Variants in GAS6 observed in about 807,000 individuals in gnomAD.
GAS6 encodes the protein growth arrest specific 6.
A neutral mutation model predicts 75.8 loss-of-function variants in GAS6; 41 were observed. The ratio of observed to expected loss-of-function variants is 0.54; its 90% CI spans 0.42 to 0.70. GAS6 has a LOEUF of 0.70. Ranked by LOEUF, GAS6 falls within the 30% of genes least tolerant of loss-of-function variation. The pLI is 0.00. For synonymous variants in GAS6, 432 were observed against 412.6 expected, an observed-to-expected ratio of 1.05 and a Z score of -0.57; for missense variants, 854 against 940.2, an observed-to-expected ratio of 0.91 and a Z score of 1.20.
Position 113,863,471 on chromosome 13 carries a change from T to C in GAS6, c.255+104A>G. On this transcript the variant is annotated intron_variant, in intron 2 of 14. Transcript: ENST00000327773. This position sits in a 1 kb window ranked among gnomAD's most constrained non-coding sequence, Gnocchi z 9.4. Reference sequence around the variant, plus strand: ...GCTCCTGGGACCCTGAGGCCAGGCCTCGCCGCGCGGAGCTGGGGGGCGGCA... The same window carrying C: ...GCTCCTGGGACCCTGAGGCCAGGCCCCGCCGCGCGGAGCTGGGGGGCGGCA... 2.5e-6 allele frequency: 3 copies of C among 1,200,984 alleles called. No individual in the cohort carries two copies. The highest frequency in any genetic ancestry group is 3.2e-6 in the Non-Finnish European group (3 of 926,084). The allele number at this position is 1,200,984 out of a possible 1,614,324, so 74.4% of individuals were successfully genotyped here.
At chr13:113,821,898 G>C (rs2051463940) in intron 14 of GAS6, 60 bp downstream of exon 14, 1 of 1,364,448 alleles carries the variant, frequency 7.3e-7, no homozygotes, top group African/African-American at 1.4e-5. Context: ...GATCTGGGGT[G>C]ACCAAGCTGG....
Position 113,820,893 on chromosome 13 carries a change from AG to A in GAS6, c.2007del (p.Cys670AlafsTer88). On this transcript the variant is annotated frameshift_variant, in exon 15 of 15. Transcript: ENST00000327773. LOFTEE classifies it low-confidence loss of function (END_TRUNC). ...AYKHSDITAHSCPPVEPAAA is the reference protein window; with the variant it reads ...AYKHSDITAHXCPPVEPAAA ...GCTGCGGCGGGCTCCACGGGGGGGC[AG>A]GAGTGGGCCGTGATGTCGCTGTGCT... 6.2e-7 allele frequency: 1 copy of A among 1,611,342 alleles called. No homozygotes were observed. The highest frequency in any genetic ancestry group is 8.5e-7 in the Non-Finnish European group (1 of 1,179,758).
chr13:113,834,609 G>GTGTAGCTC lies in GAS6; in HGVS notation c.768_775dup (p.Thr259ArgfsTer37). On this transcript the variant is annotated frameshift_variant, in exon 8 of 15. Coordinates refer to ENST00000327773, the MANE Select transcript of GAS6 (RefSeq NM_000820.4). ...GCCCCCACGCCCGTCACAGTGGCAG[G>GTGTAGCTC]TGTAGCTCCCTGGGGAGTTCACGCA... The GTGTAGCTC allele has an allele frequency of 6.2e-7, 1 of 1,604,316 alleles. No homozygotes were observed. The highest frequency in any genetic ancestry group is 8.5e-7 in the Non-Finnish European group (1 of 1,176,450).
At position 113,845,786 on chromosome 13, in the gene GAS6, C is replaced by T. The variant is rs1028649671; in HGVS notation, c.343+741G>A. 2.7e-5 allele frequency: 4 copies of T among 150,676 alleles called. No individual in the cohort carries two copies. Among genetic ancestry groups the T allele is most frequent in the African/African-American group, 9.8e-5 (4 of 41,002 alleles). The allele number at this position is 150,676 out of a possible 1,614,324, so 9.3% of individuals were successfully genotyped here. On this transcript the variant is annotated intron_variant, in intron 4 of 14. Coordinates refer to ENST00000327773, the MANE Select transcript of GAS6 (RefSeq NM_000820.4). The surrounding 1 kb of genome is among the most constrained non-coding windows in gnomAD (Gnocchi z 4.3). ...ACCTGAAATGACTGATGTCATTTCT[C>T]GCCTGTTACATTGGAAGAGATCAAA...
intron 5 of GAS6, chr13:113,839,470 T>A (rs370072819): frequency 1.6e-5 from 7 of 434,496 alleles, no homozygotes; most frequent in South Asian, 8.2e-5. Flanking sequence ...GAGGTGAAAT[T>A]TCCCCCCCCG....
chr13:113,821,317 A>G, intron 14 of GAS6: 2 of 445,146 alleles, frequency 4.5e-6, no homozygotes. Flanking sequence ...TTCAGGCTGC[A>G]GGCCTCCTGG....
chr13:113,831,468 C>G (rs976770784), intron 10 of GAS6, among the ~76,000 whole-genome samples: 1 of 152,156 alleles, frequency 6.6e-6, no homozygotes, highest in Admixed American at 6.5e-5. Flanking sequence ...GGCCTCCTCC[C>G]CTGGTGGGGC....
At position 113,833,595 on chromosome 13, in the gene GAS6, C is replaced by T. The variant is rs938634412; in HGVS notation, c.835-843G>A. On this transcript the variant is annotated intron_variant, in intron 8 of 14. Coordinates refer to ENST00000327773, the MANE Select transcript of GAS6 (RefSeq NM_000820.4). ...GGTGTGACAGGTCAGTGTGACAGGTCGGTGTGACAGGCACCGGTGTGACAG... is the reference window on the plus strand; with the variant it reads ...GGTGTGACAGGTCAGTGTGACAGGTTGGTGTGACAGGCACCGGTGTGACAG... 88 of 991,592 alleles carry T rather than the reference C, an allele frequency of 8.9e-5. No individual in the cohort carries two copies. The African/African-American group carries it at 1.2e-3, about 14-fold the overall frequency. 61.4% of individuals were successfully genotyped at this position (991,592 alleles called of 1,614,324 possible).
Position 113,828,609 on chromosome 13 carries a change from G to C in GAS6, c.1246C>G (p.Leu416Val), listed in dbSNP as rs2051584314. ...CCCACGGTCAGGTTCAGATGATACA[G>C]TCCTCGCTCCGGTTGGAACAAGTCC... ...AGDLFQPERG[L>V]YHLNLTVGGI... Residue 416 changes from leucine (L) to valine (V), a missense_variant, in exon 11 of 15, where the codon CTG (leucine) becomes GTG (valine). Leu to Val is a conservative substitution (Grantham distance 32). Transcript: ENST00000327773. 5 of 1,613,540 alleles carry C rather than the reference G, an allele frequency of 3.1e-6. No homozygotes were observed. The highest frequency in any genetic ancestry group is 3.3e-5 in the Admixed American group (2 of 60,000).
At chr13:113,853,842 G>C (rs186122228) in intron 2 of GAS6, among the ~76,000 whole-genome samples, 1 of 152,188 alleles carries the variant, frequency 6.6e-6, no homozygotes, top group Admixed American at 6.5e-5. Context: ...CTGGCAGCCC[G>C]GCTCTATTCA....
chr13:113,822,140 A>G lies in GAS6; in HGVS notation c.1700T>C (p.Ile567Thr). The G allele has an allele frequency of 6.3e-7, 1 of 1,598,998 alleles. No individual in the cohort carries two copies. ...GTGCTCTTGGCCGTCGCAGACCTTG[A>G]TCTCCATTAGGGCCAAGGCCGTATG... ...VEHTALALME[I>T]KVCDGQEHVV... The change falls in exon 14 of 15, where the codon ATC becomes ACC. Residue 567 changes from isoleucine to threonine, a missense_variant. Physicochemically the swap from Ile to Thr is moderately conservative, Grantham distance 89. Transcript: ENST00000327773.
At chr13:113,831,458 G>A (rs4074949) in intron 10 of GAS6, among the ~76,000 whole-genome samples, 53,105 of 152,008 alleles carry the variant, frequency 0.35, 11,358 homozygotes, top group African/African-American at 0.61. Context: ...GTTCAGTGGC[G>A]GCCTCCTCCC....
intron 3 of GAS6, 115 bp from the exon 4 acceptor site, chr13:113,846,704 T>C: frequency 1.2e-6 from 1 of 814,574 alleles, no homozygotes; most frequent in Non-Finnish European, 2.1e-6. Context: ...TGGGGTGCTA[T>C]CATCCTCCAG....
chr13:113,852,846 C>T (rs540793910), intron 2 of GAS6, among the ~76,000 whole-genome samples: 7 of 152,248 alleles, frequency 4.6e-5, no homozygotes, highest in East Asian at 1.9e-4. Context: ...GCGGTTCTCA[C>T]GCCCCAACCC....
At chr13:113,828,053 T>A (rs190700864) in intron 11 of GAS6, among the ~76,000 whole-genome samples, 27,872 of 151,916 alleles carry the variant, frequency 0.18, 2,928 homozygotes, top group South Asian at 0.33. Context: ...AGGTGGGCAG[T>A]TCACGAGGTC....
intron 5 of GAS6, 149 bp downstream of exon 5, chr13:113,839,579 G>T: frequency 4.1e-6 from 4 of 975,452 alleles, no homozygotes; most frequent in Non-Finnish European, 5.9e-6. Context: ...TTCTCCTGGG[G>T]CTCCAGGATA....
In GAS6 at chr13:113,822,261, C is replaced by T. The variant is rs1038722615; in HGVS notation, c.1654-75G>A. The T allele has an allele frequency of 7.0e-5, 83 of 1,182,338 alleles. No homozygotes were observed. In the Admixed American group the frequency reaches 1.5e-3, roughly 21 times the overall value. 73.2% of individuals were successfully genotyped at this position (1,182,338 alleles called of 1,614,324 possible). On this transcript the variant is annotated intron_variant, in intron 13 of 14. Coordinates refer to ENST00000327773, the MANE Select transcript of GAS6 (RefSeq NM_000820.4). ...GCTGTTAGGTCCAAGCTGGTCCTCA[C>T]AGCTGCTGGCCACCCCTACGCCGCA...
At chr13:113,839,640 C>A in intron 5 of GAS6, 88 bp downstream of exon 5, 1 of 1,533,038 alleles carries the variant, frequency 6.5e-7, no homozygotes. Flanking sequence ...CTGAGGATGG[C>A]CGTGCCCCGG....
chr13:113,830,114 G>C (rs1417415476), intron 10 of GAS6, among the ~76,000 whole-genome samples: 1 of 152,272 alleles, frequency 6.6e-6, no homozygotes. Flanking sequence ...TCTAATGCTA[G>C]ATACACTATA....
Sources: gnomAD v4.1 joint callset for allele counts (sites outside exome capture counted in the v4.1 genomes callset) on GRCh38, gnomAD v4.1.1 for gene constraint, Gnocchi (gnomAD v3.1) non-coding constraint, MANE v1.5 for transcripts, NCBI Gene and HGNC (gene_info 2026-07-23, HGNC 2026-07-21) for gene names.